ATP1B3: variants seen among roughly 807,000 people sequenced by gnomAD.
ATP1B3 encodes ATPase Na+/K+ transporting subunit beta 3.
A neutral mutation model predicts 30.2 loss-of-function variants in ATP1B3; 10 were observed. The observed-to-expected ratio is 0.33, with a 90% CI of 0.20 to 0.56. The LOEUF is 0.56. ATP1B3 is among the 20% of genes least tolerant of loss of function. ATP1B3 has a pLI of 0.90. For synonymous variants in ATP1B3, 113 were observed against 117.0 expected, an observed-to-expected ratio of 0.97 and a Z score of 0.22; for missense variants, 238 against 336.7, an observed-to-expected ratio of 0.71 and a Z score of 2.29.
intron 1 of ATP1B3, among the ~76,000 whole-genome samples, chr3:141,890,662 T>C (rs956924791): frequency 6.8e-6 from 1 of 147,774 alleles, no homozygotes; most frequent in African/African-American, 2.7e-5. Context: ...GGTCTCGAAC[T>C]CTTGACCTCA....
At chr3:141,921,076 T>C (rs1220632920) in intron 5 of ATP1B3, among the ~76,000 whole-genome samples, 1 of 152,016 alleles carries the variant, frequency 6.6e-6, no homozygotes, top group Non-Finnish European at 1.5e-5. Flanking sequence ...AAAATTTTTT[T>C]ATATATATAT....
rs539564332 is a variant in ATP1B3 at position 141,906,894 on chromosome 3, C to T, written c.239-273C>T. On this transcript the variant is annotated intron_variant, in intron 2 of 6. Coordinates refer to ENST00000286371, the MANE Select transcript of ATP1B3 (RefSeq NM_001679.4). ...ATATAGAAAGTTCAAAGTAAAATTG[C>T]ATCTTTTAAAAAGGAAGATTATAAT... Among the ~76,000 whole-genome samples, 5 of 152,196 alleles carry T rather than the reference C, an allele frequency of 3.3e-5. No individual in the cohort carries two copies. In the East Asian group the frequency reaches 9.6e-4, roughly 29 times the overall value.
At chr3:141,923,044 G>A (rs182920616) in intron 6 of ATP1B3, among the ~76,000 whole-genome samples, 476 of 152,100 alleles carry the variant, frequency 3.1e-3, no homozygotes, top group Non-Finnish European at 5.6e-3. Context: ...TTGGGAGGCC[G>A]AGGCGGGCAG....
At chr3:141,896,666 C>T (rs1401794153) in intron 1 of ATP1B3, among the ~76,000 whole-genome samples, 1 of 151,940 alleles carries the variant, frequency 6.6e-6, no homozygotes, top group Non-Finnish European at 1.5e-5. Context: ...CTGGGTTCTT[C>T]TTCAGTTTTG....
intron 1 of ATP1B3, among the ~76,000 whole-genome samples, chr3:141,879,019 G>A (rs182064528): frequency 6.6e-6 from 1 of 152,282 alleles, no homozygotes; most frequent in African/African-American, 2.4e-5. Flanking sequence ...CTGTGCCTCT[G>A]GGGATATGTC....
intron 6 of ATP1B3, among the ~76,000 whole-genome samples, chr3:141,924,501 T>C (rs1046160133): frequency 3.5e-4 from 53 of 151,754 alleles, no homozygotes; most frequent in African/African-American, 1.1e-3. Flanking sequence ...ATAAAAAAAT[T>C]AGCTGGGTAT....
At chr3:141,887,852 C>T (rs1250310783) in intron 1 of ATP1B3, among the ~76,000 whole-genome samples, 1 of 152,128 alleles carries the variant, frequency 6.6e-6, no homozygotes, top group East Asian at 1.9e-4. Context: ...ATAAGCAATT[C>T]TTACCTATGC....
intron 1 of ATP1B3, among the ~76,000 whole-genome samples, chr3:141,883,245 T>C (rs544144465): frequency 1.8e-4 from 28 of 152,290 alleles, no homozygotes; most frequent in Non-Finnish European, 3.5e-4. Flanking sequence ...CCCAGCACTT[T>C]GGGAAGCCGA....
intron 2 of ATP1B3, among the ~76,000 whole-genome samples, chr3:141,905,180 AAAG>A (rs1011071784): frequency 2.6e-5 from 4 of 152,178 alleles, no homozygotes; most frequent in Admixed American, 6.5e-5. Flanking sequence ...GGTTCTACCT[AAAG>A]AAGAAAGTTC....
chr3:141,902,114 G>A, intron 1 of ATP1B3: 5 of 1,286,930 alleles, frequency 3.9e-6, no homozygotes, highest in Non-Finnish European at 5.1e-6. Context: ...TTTGAGATTG[G>A]TCTTTTCTTT....
chr3:141,880,381 T>C (rs948356280), intron 1 of ATP1B3, among the ~76,000 whole-genome samples: 5 of 152,222 alleles, frequency 3.3e-5, no homozygotes, highest in Admixed American at 6.5e-5. Context: ...GATCCAAGTG[T>C]ACTTAGCACT....
intron 1 of ATP1B3, among the ~76,000 whole-genome samples, chr3:141,901,039 T>C (rs1223138762): frequency 3.9e-5 from 6 of 152,204 alleles, no homozygotes; most frequent in Admixed American, 2.0e-4. Context: ...CGCCTTGGCC[T>C]CCCAAAGTGC....
At chr3:141,902,037 A>G (rs1934172952) in intron 1 of ATP1B3, 1 of 872,464 alleles carries the variant, frequency 1.1e-6, no homozygotes, top group Non-Finnish European at 1.6e-6. Context: ...TCTCTTCTGT[A>G]TCTTATTAAA....
intron 1 of ATP1B3, among the ~76,000 whole-genome samples, chr3:141,896,089 C>G (rs1425636366): frequency 6.6e-6 from 1 of 152,144 alleles, no homozygotes; most frequent in Non-Finnish European, 1.5e-5. Context: ...CGGTGGCTCA[C>G]ACTTCTAACC....
rs111455074 is a variant in ATP1B3 at position 141,884,148 on chromosome 3, C to T, written c.109+7238C>T. On this transcript the variant is annotated intron_variant, in intron 1 of 6. Coordinates refer to ENST00000286371, the MANE Select transcript of ATP1B3 (RefSeq NM_001679.4). ...TGGGGTGCTATTACTAATAATATTT[C>T]GGAAAATTTTTTTTAACATAATAAC... 3.2e-3 allele frequency among the ~76,000 whole-genome samples: 488 copies of T among 151,952 alleles called. 3 individuals are homozygous for T. Among genetic ancestry groups the T allele is most frequent in the African/African-American group, 0.011 (472 of 41,418 alleles).
At chr3:141,923,704 A>C (rs532507393) in intron 6 of ATP1B3, among the ~76,000 whole-genome samples, 1 of 152,356 alleles carries the variant, frequency 6.6e-6, no homozygotes, top group Non-Finnish European at 1.5e-5. Context: ...CTGATCCCAG[A>C]TGTCACACTG....
intron 5 of ATP1B3, among the ~76,000 whole-genome samples, chr3:141,920,524 C>G (rs1359308464): frequency 1.4e-5 from 2 of 148,036 alleles, no homozygotes; most frequent in Non-Finnish European, 3.0e-5. Flanking sequence ...GAGACTCTGT[C>G]TCAAAAAAAA....
intron 4 of ATP1B3, among the ~76,000 whole-genome samples, chr3:141,915,200 T>C (rs1934431584): frequency 6.6e-6 from 1 of 152,204 alleles, no homozygotes; most frequent in Non-Finnish European, 1.5e-5. Context: ...TGCTTGCTGA[T>C]GACTCAGGGC....
At chr3:141,881,204 CAAAA>C (rs112675926) in intron 1 of ATP1B3, among the ~76,000 whole-genome samples, 1 of 117,258 alleles carries the variant, frequency 8.5e-6, no homozygotes, top group Non-Finnish European at 1.8e-5. Flanking sequence ...ACTCCACCTC[CAAAA>C]AAAAAAAAAA....
Sources: gnomAD v4.1 joint callset for allele counts (sites outside exome capture counted in the v4.1 genomes callset) on GRCh38, gnomAD v4.1.1 for gene constraint, MANE v1.5 for transcripts, NCBI Gene and HGNC (gene_info 2026-07-23, HGNC 2026-07-21) for gene names.